OLFM2: variants seen among roughly 807,000 people sequenced by gnomAD.
OLFM2 encodes the protein noelin-2.
In OLFM2, 20 loss-of-function variants were observed where a neutral mutation model predicts 43.9. The observed-to-expected ratio is 0.46, with a 90% CI of 0.32 to 0.66. OLFM2 has a LOEUF of 0.66. OLFM2 is among the 30% of genes least tolerant of loss of function. The pLI is 0.04. For synonymous variants in OLFM2, 268 were observed against 278.6 expected, an observed-to-expected ratio of 0.96 and a Z score of 0.38; for missense variants, 416 against 643.6, an observed-to-expected ratio of 0.65 and a Z score of 3.83.
chr19:9,908,527 GA>G (rs2046801883), intron 1 of OLFM2, among the ~76,000 whole-genome samples: 1 of 132,880 alleles, frequency 7.5e-6, no homozygotes, highest in Non-Finnish European at 1.5e-5. Flanking sequence ...ACCCAGGCTG[GA>G]AGTGCAGTGA....
chr19:9,902,413 C>G (rs2046748786), intron 1 of OLFM2, among the ~76,000 whole-genome samples: 2 of 140,922 alleles, frequency 1.4e-5, no homozygotes, highest in African/African-American at 5.4e-5. Context: ...GATGGAGTCT[C>G]ACTCAGTCGC....
chr19:9,889,047 C>T (rs571495979), intron 1 of OLFM2, among the ~76,000 whole-genome samples: 1 of 148,638 alleles, frequency 6.7e-6, no homozygotes, highest in African/African-American at 2.5e-5. Context: ...GCCTGGGTGA[C>T]AGAGCGAGAC....
chr19:9,925,391 C>T (rs1485812916), intron 1 of OLFM2, among the ~76,000 whole-genome samples: 2 of 152,080 alleles, frequency 1.3e-5, no homozygotes, highest in African/African-American at 4.8e-5. Context: ...TAAAATAGCG[C>T]AGTCGCCGTA....
intron 1 of OLFM2, among the ~76,000 whole-genome samples, chr19:9,865,497 T>TTC (rs1232433709): frequency 1.5e-5 from 2 of 133,750 alleles, no homozygotes; most frequent in African/African-American, 2.9e-5. Context: ...TTTTTTTTTT[T>TTC]TTTTTTTTTT....
In OLFM2 at chr19:9,857,588, C is replaced by T; in HGVS notation, c.361-106G>A. 1 of 1,557,302 alleles carries T rather than the reference C, an allele frequency of 6.4e-7. No homozygotes were observed. Among genetic ancestry groups the T allele is most frequent in the Non-Finnish European group, 8.8e-7 (1 of 1,135,464 alleles). ...TTCACCCTTTGTCTTTGATGCACAC[C>T]TGGCCCTTGACATGTGGCTCATATT... is the stretch of plus-strand genomic sequence containing the variant. On this transcript the variant is annotated intron_variant, in intron 3 of 5. Transcript: ENST00000264833. This position sits in a 1 kb window ranked among gnomAD's most constrained non-coding sequence, Gnocchi z 5.7.
chr19:9,901,223 A>G (rs111596086), intron 1 of OLFM2, among the ~76,000 whole-genome samples: 1,402 of 134,570 alleles, frequency 0.01, 25 homozygotes, highest in African/African-American at 0.037. Context: ...AAGAAAGGAG[A>G]AAAAAAAAAA....
chr19:9,858,231 C>CCT (rs1555723783), intron 2 of OLFM2: 30 of 351,946 alleles, frequency 8.5e-5, no homozygotes, highest in African/African-American at 6.5e-4. Flanking sequence ...TCCTGCCCAC[C>CCT]CCCCCCGCCC....
At position 9,853,900 on chromosome 19, in the gene OLFM2, A is replaced by G; in HGVS notation, c.*286T>C. ...CAGAGAGAGAGAGACAGAGAGAGGCAGAGACGGAAAGAACTGGAGAACCAG... is the reference window on the plus strand; with the variant it reads ...CAGAGAGAGAGAGACAGAGAGAGGCGGAGACGGAAAGAACTGGAGAACCAG... On this transcript the variant is annotated 3_prime_UTR_variant, in exon 6 of 6. Transcript: ENST00000264833. The G allele has an allele frequency of 1.8e-6, 1 of 569,616 alleles. No homozygotes were observed. The highest frequency in any genetic ancestry group is 3.1e-6 in the Non-Finnish European group (1 of 324,276). The allele number at this position is 569,616 out of a possible 1,614,324, so 35.3% of individuals were successfully genotyped here. A position where few individuals can be genotyped will look rare whatever the true frequency, so the allele number is the denominator to read the frequency against.
chr19:9,883,222 A>AAG (rs374561424), intron 1 of OLFM2, among the ~76,000 whole-genome samples: 11 of 150,386 alleles, frequency 7.3e-5, no homozygotes, highest in African/African-American at 1.7e-4. Context: ...AAAAAAAAAA[A>AAG]GGATGTGGCC....
chr19:9,853,749 A>C lies in OLFM2; in HGVS notation c.*437T>G. ...GTCAAAGGTCCTGTTTATTCCGGCA[A>C]ACCGGAAAGAAAAAGTGTAAATAAA... On this transcript the variant is annotated 3_prime_UTR_variant, in exon 6 of 6. Coordinates refer to ENST00000264833, the MANE Select transcript of OLFM2 (RefSeq NM_058164.4). 4 of 382,582 alleles carry C rather than the reference A, an allele frequency of 1.0e-5. No individual in the cohort carries two copies. The highest frequency in any genetic ancestry group is 1.4e-5 in the Non-Finnish European group (3 of 215,912). 23.7% of individuals were successfully genotyped at this position (382,582 alleles called of 1,614,324 possible).
At chr19:9,874,918 A>G (rs961188076) in intron 1 of OLFM2, among the ~76,000 whole-genome samples, 36 of 152,158 alleles carry the variant, frequency 2.4e-4, no homozygotes, top group Non-Finnish European at 4.9e-4. Context: ...CCGTCCCCTA[A>G]TGGCTTTTGA....
At chr19:9,871,007 T>A (rs537650955) in intron 1 of OLFM2, among the ~76,000 whole-genome samples, 14 of 152,216 alleles carry the variant, frequency 9.2e-5, no homozygotes, top group Admixed American at 7.9e-4. Context: ...CAGTGGCTTA[T>A]GCCTGTAATC....
At chr19:9,890,660 G>C (rs1364682892) in intron 1 of OLFM2, among the ~76,000 whole-genome samples, 1 of 152,160 alleles carries the variant, frequency 6.6e-6, no homozygotes. Flanking sequence ...AATACTTTAA[G>C]AGCCGGTGTG....
chr19:9,856,779 G>C lies in OLFM2; in HGVS notation c.687+28C>G, dbSNP rs1232953403. On this transcript the variant is annotated intron_variant, in intron 5 of 5. Coordinates refer to ENST00000264833, the MANE Select transcript of OLFM2 (RefSeq NM_058164.4). The surrounding 1 kb of genome is among the most constrained non-coding windows in gnomAD (Gnocchi z 4.0). ...AAAGGCTCTGTCCCTCCCAGGCCCT[G>C]ACCCCAGGGGTGGGCGCAGTCACTC... The C allele has an allele frequency of 6.3e-7, 1 of 1,582,262 alleles. No individual in the cohort carries two copies. The highest frequency in any genetic ancestry group is 1.3e-5 in the African/African-American group (1 of 74,336).
intron 1 of OLFM2, among the ~76,000 whole-genome samples, chr19:9,883,716 C>G (rs910495304): frequency 6.6e-6 from 1 of 152,154 alleles, no homozygotes; most frequent in Non-Finnish European, 1.5e-5. Context: ...CCATGGCATG[C>G]ACCAAAGAGC....
At chr19:9,926,551 CAAAAAT>C (rs1381009121) in intron 1 of OLFM2, among the ~76,000 whole-genome samples, 1 of 150,342 alleles carries the variant, frequency 6.7e-6, no homozygotes, top group East Asian at 2.0e-4. Flanking sequence ...GACTCCATCT[CAAAAAT>C]AAATAAATAA....
At chr19:9,918,217 TGGGCACTCTGTTG>T (rs2086398289) in intron 1 of OLFM2, among the ~76,000 whole-genome samples, 1 of 148,156 alleles carries the variant, frequency 6.7e-6, no homozygotes, top group Non-Finnish European at 1.5e-5. Flanking sequence ...GGCGAGGGGC[TGGGCACTCTGTTG>T]CCCAGGCTGG....
At chr19:9,925,510 AC>A (rs1218991833) in intron 1 of OLFM2, among the ~76,000 whole-genome samples, 1 of 152,044 alleles carries the variant, frequency 6.6e-6, no homozygotes, top group African/African-American at 2.4e-5. Context: ...AGGCAATGGT[AC>A]AATCATGGCG....
At chr19:9,898,130 C>T (rs1023284793) in intron 1 of OLFM2, among the ~76,000 whole-genome samples, 1 of 145,530 alleles carries the variant, frequency 6.9e-6, no homozygotes, top group African/African-American at 2.5e-5. Context: ...AGGGTGGTCT[C>T]GAACTCCTGA....
Sources: gnomAD v4.1 joint callset for allele counts (sites outside exome capture counted in the v4.1 genomes callset) on GRCh38, gnomAD v4.1.1 for gene constraint, Gnocchi (gnomAD v3.1) non-coding constraint, MANE v1.5 for transcripts, NCBI Gene and HGNC (gene_info 2026-07-23, HGNC 2026-07-21) for gene names.